Variants in SPAG16 observed in about 807,000 individuals in gnomAD.
The protein encoded by SPAG16 is sperm-associated antigen 16 protein.
A neutral mutation model predicts 80.4 loss-of-function variants in SPAG16; 86 were observed. The ratio of observed to expected loss-of-function variants is 1.07; its 90% CI spans 0.90 to 1.28. The LOEUF (loss-of-function observed/expected upper bound fraction) is 1.28. Ranked by LOEUF, SPAG16 falls within the 50% of genes most tolerant of loss-of-function variation. SPAG16 has a pLI of 0.00. For synonymous variants in SPAG16, 294 were observed against 265.9 expected (o/e 1.11, Z -1.03); for missense variants, 870 against 765.3 (o/e 1.14, Z -1.61).
At chr2:214,344,628 T>G (rs1697939539) in intron 15 of SPAG16, among the ~76,000 whole-genome samples, 1 of 152,198 alleles carries the variant, frequency 6.6e-6, no homozygotes, top group African/African-American at 2.4e-5. Flanking sequence ...AAGTGTGACC[T>G]AAATCATAAT....
intron 13 of SPAG16, among the ~76,000 whole-genome samples, chr2:214,039,009 G>A (rs1308464115): frequency 6.6e-6 from 1 of 152,128 alleles, no homozygotes; most frequent in Non-Finnish European, 1.5e-5. Flanking sequence ...ACATACGTGT[G>A]CATGTGTCTT....
chr2:213,806,617 A>G (rs2071784365), intron 10 of SPAG16, among the ~76,000 whole-genome samples: 1 of 152,172 alleles, frequency 6.6e-6, no homozygotes, highest in Non-Finnish European at 1.5e-5. Flanking sequence ...TTTATACATT[A>G]ATAATTCCTA....
intron 10 of SPAG16, among the ~76,000 whole-genome samples, chr2:213,861,939 G>A (rs2075484015): frequency 6.6e-6 from 1 of 152,130 alleles, no homozygotes; most frequent in African/African-American, 2.4e-5. Context: ...GGTAATGTAG[G>A]ATAGAATTTT....
chr2:214,344,475 T>C (rs768578471), intron 15 of SPAG16, among the ~76,000 whole-genome samples: 2 of 152,160 alleles, frequency 1.3e-5, no homozygotes, highest in African/African-American at 4.8e-5. Flanking sequence ...CTTTTGAAAA[T>C]TTTTTAAATT....
chr2:213,672,255 CTTCTT>C (rs199958330), intron 10 of SPAG16, among the ~76,000 whole-genome samples: 2,180 of 151,304 alleles, frequency 0.014, 35 homozygotes, highest in Non-Finnish European at 0.023. Context: ...CTAGAATTCT[CTTCTT>C]TTCCTCACTC....
intron 11 of SPAG16, among the ~76,000 whole-genome samples, chr2:213,867,940 A>AAAAAAAAAAAAAAAAAAAAAAAAAAAC (rs2075767414): frequency 6.8e-6 from 1 of 146,196 alleles, no homozygotes; most frequent in Non-Finnish European, 1.5e-5. Flanking sequence ...AAAAAAAAAA[A>AAAAAAAAAAAAAAAAAAAAAAAAAAAC]AAAAAAAAAA....
intron 9 of SPAG16, among the ~76,000 whole-genome samples, chr2:213,429,200 G>T (rs1402816806): frequency 6.6e-6 from 1 of 151,972 alleles, no homozygotes; most frequent in African/African-American, 2.4e-5. Context: ...AGCAATAATT[G>T]CTCTGTCTCA....
At chr2:214,183,074 T>G (rs1322628793) in intron 15 of SPAG16, among the ~76,000 whole-genome samples, 1 of 151,936 alleles carries the variant, frequency 6.6e-6, no homozygotes, top group East Asian at 1.9e-4. Context: ...TAATCTCCAG[T>G]TTCATTATTC....
At chr2:213,770,490 T>G (rs1421949631) in intron 10 of SPAG16, among the ~76,000 whole-genome samples, 5 of 152,190 alleles carry the variant, frequency 3.3e-5, no homozygotes, top group Admixed American at 1.3e-4. Context: ...AGGGTACATA[T>G]GCAGGACATG....
chr2:213,853,617 T>G (rs2105916503), intron 10 of SPAG16, among the ~76,000 whole-genome samples: 1 of 152,334 alleles, frequency 6.6e-6, no homozygotes, highest in African/African-American at 2.4e-5. Flanking sequence ...TGTACGATTT[T>G]CACCCTACTT....
chr2:213,715,829 A>T (rs2066216727), intron 10 of SPAG16, among the ~76,000 whole-genome samples: 1 of 152,142 alleles, frequency 6.6e-6, no homozygotes, highest in Non-Finnish European at 1.5e-5. Flanking sequence ...GTACTTTAAG[A>T]CTGTTAACTA....
At chr2:214,161,620 G>T (rs1419595181) in intron 15 of SPAG16, among the ~76,000 whole-genome samples, 1 of 151,752 alleles carries the variant, frequency 6.6e-6, no homozygotes, top group South Asian at 2.1e-4. Flanking sequence ...GTGTCTGTTG[G>T]ACAGTGAGAG....
chr2:213,944,358 C>T (rs2079349063), intron 12 of SPAG16, among the ~76,000 whole-genome samples: 1 of 152,156 alleles, frequency 6.6e-6, no homozygotes, highest in African/African-American at 2.4e-5. Context: ...ACAGAGTTTG[C>T]CTTGCTAGGT....
chr2:213,691,914 G>T (rs886656859), intron 10 of SPAG16, among the ~76,000 whole-genome samples: 33 of 152,284 alleles, frequency 2.2e-4, no homozygotes, highest in African/African-American at 6.7e-4. Flanking sequence ...GAAGAAGGCG[G>T]TAGTCTATCC....
intron 12 of SPAG16, among the ~76,000 whole-genome samples, chr2:213,936,961 A>G (rs1365653218): frequency 2.0e-5 from 3 of 152,192 alleles, no homozygotes; most frequent in Non-Finnish European, 4.4e-5. Context: ...AGATAAATTA[A>G]GAAAGAGGAA....
intron 10 of SPAG16, among the ~76,000 whole-genome samples, chr2:213,602,449 T>C (rs1392892366): frequency 6.6e-6 from 1 of 151,986 alleles, no homozygotes; most frequent in East Asian, 1.9e-4. Flanking sequence ...CTGGCCAACA[T>C]GGTGGAACCC....
At chr2:213,407,132 A>G (rs1000545717) in intron 9 of SPAG16, among the ~76,000 whole-genome samples, 2 of 152,068 alleles carry the variant, frequency 1.3e-5, no homozygotes, top group Non-Finnish European at 2.9e-5. Flanking sequence ...CCCTGCTTGC[A>G]GTGTTGTTCG....
chr2:214,012,793 G>A (rs945236440), intron 12 of SPAG16, among the ~76,000 whole-genome samples: 7 of 152,106 alleles, frequency 4.6e-5, no homozygotes, highest in Admixed American at 1.3e-4. Context: ...CAGCCTTTTC[G>A]TAAAATGGCA....
At chr2:213,914,842 T>G (rs1168761817) in intron 11 of SPAG16, among the ~76,000 whole-genome samples, 1 of 152,202 alleles carries the variant, frequency 6.6e-6, no homozygotes, top group African/African-American at 2.4e-5. Flanking sequence ...GTTTGTTTTT[T>G]GCTTGTAAAT....
Sources: gnomAD v4.1 joint callset for allele counts (sites outside exome capture counted in the v4.1 genomes callset) on GRCh38, gnomAD v4.1.1 for gene constraint, MANE v1.5 for transcripts, NCBI Gene and HGNC (gene_info 2026-07-23, HGNC 2026-07-21) for gene names.